Variants in WWP2 observed in about 807,000 individuals in gnomAD.
WWP2 encodes NEDD4-like E3 ubiquitin-protein ligase WWP2.
A neutral mutation model predicts 121.0 loss-of-function variants in WWP2; 57 were observed. The observed-to-expected ratio is 0.47, with a 90% CI of 0.38 to 0.59. The LOEUF (loss-of-function observed/expected upper bound fraction) is 0.59, where lower values mean the gene tolerates loss of function less well. Among genes scored for constraint, WWP2 ranks in the 20% least tolerant of loss-of-function variants. The pLI, the probability that WWP2 is intolerant of heterozygous loss-of-function variation, is 0.00. For synonymous variants in WWP2, 449 were observed against 441.3 expected (o/e 1.02, Z -0.22); for missense variants, 962 against 1,158.9 (o/e 0.83, Z 2.47).
chr16:69,825,128 A>C (rs1327138407), intron 4 of WWP2, among the ~76,000 whole-genome samples: 1 of 152,008 alleles, frequency 6.6e-6, no homozygotes, highest in African/African-American at 2.4e-5. Context: ...AAAGTTTTTC[A>C]AAGTGGGCGA....
At chr16:69,817,738 A>G (rs542620006) in intron 4 of WWP2, among the ~76,000 whole-genome samples, 1 of 143,684 alleles carries the variant, frequency 7.0e-6, no homozygotes, top group East Asian at 2.0e-4. Context: ...AGCTCATTGC[A>G]GCCTTGACCT....
chr16:69,913,032 T>C, intron 9 of WWP2, among the ~76,000 whole-genome samples: 1 of 74,176 alleles, frequency 1.3e-5, no homozygotes, highest in Non-Finnish European at 2.5e-5. Context: ...TTTTTTTTTT[T>C]TTTTTTTTGA....
intron 4 of WWP2, among the ~76,000 whole-genome samples, chr16:69,832,324 C>G (rs2056808264): frequency 7.7e-6 from 1 of 129,122 alleles, no homozygotes; most frequent in Non-Finnish European, 1.6e-5. Context: ...CCCATCCCAC[C>G]CCTGCTGGAT....
rs139960563 is a variant in WWP2 at position 69,860,449 on chromosome 16, T to G, written c.576-11355T>G. On this transcript the variant is annotated intron_variant, in intron 6 of 23. Coordinates refer to ENST00000359154, the MANE Select transcript of WWP2 (RefSeq NM_001270454.2). ...ATAGCAGTGCCATAAAGGGAACAAT[T>G]AGGATGTTATGAGAGAATGAAAGGA... Among the ~76,000 whole-genome samples, 4 of 152,116 alleles carry G rather than the reference T, an allele frequency of 2.6e-5. No homozygotes were observed. In the East Asian group the frequency reaches 7.7e-4, roughly 29 times the overall value.
At chr16:69,785,409 G>A (rs2055764772) in intron 1 of WWP2, among the ~76,000 whole-genome samples, 2 of 152,298 alleles carry the variant, frequency 1.3e-5, no homozygotes, top group African/African-American at 4.8e-5. Context: ...GATGAGATCA[G>A]TGGTGACATT....
rs367986754 is a variant in WWP2 at position 69,931,746 on chromosome 16, C to T, written c.1594-56C>T. ...CCTTAGAGTCCCCTGTCCCTCCCGC[C>T]CCTGCCTGCTGTGGAAGGGAGAGTG... On this transcript the variant is annotated intron_variant, in intron 15 of 23. Transcript: ENST00000359154. 3.1e-6 allele frequency: 5 copies of T among 1,595,642 alleles called. No individual in the cohort carries two copies. The African/African-American group carries it at 4.0e-5, about 13-fold the overall frequency.
intron 7 of WWP2, among the ~76,000 whole-genome samples, chr16:69,877,953 G>A (rs149053176): frequency 1.1e-3 from 165 of 152,146 alleles, no homozygotes; most frequent in South Asian, 5.0e-3. Context: ...GATTATAGGC[G>A]CGTGCCACCG....
chr16:69,844,764 G>C (rs1242566881), intron 6 of WWP2, among the ~76,000 whole-genome samples: 1 of 152,190 alleles, frequency 6.6e-6, no homozygotes, highest in Non-Finnish European at 1.5e-5. Flanking sequence ...AGCCTTATCG[G>C]AGTCCTCTGC....
intron 6 of WWP2, among the ~76,000 whole-genome samples, chr16:69,861,309 C>T (rs948748443): frequency 8.5e-5 from 13 of 152,216 alleles, no homozygotes; most frequent in African/African-American, 3.1e-4. Flanking sequence ...CTAAGCCCAA[C>T]ATACGGCCTG....
intron 4 of WWP2, among the ~76,000 whole-genome samples, chr16:69,815,508 G>T (rs1364559717): frequency 6.6e-6 from 1 of 151,658 alleles, no homozygotes; most frequent in Non-Finnish European, 1.5e-5. Flanking sequence ...AAGGAGAGGG[G>T]CAGGGGCTGG....
At chr16:69,922,398 A>T (rs962662623) in intron 10 of WWP2, among the ~76,000 whole-genome samples, 10 of 152,300 alleles carry the variant, frequency 6.6e-5, no homozygotes, top group Non-Finnish European at 1.2e-4. Context: ...TTCCCAAGGG[A>T]CTTGAACTCT....
chr16:69,769,854 A>G (rs1286545591), intron 1 of WWP2, among the ~76,000 whole-genome samples: 1 of 149,222 alleles, frequency 6.7e-6, no homozygotes, highest in Non-Finnish European at 1.5e-5. Flanking sequence ...AATCATTGAA[A>G]TCTCCCAAGT....
rs1597188320 is a variant in WWP2, at chr16:69,935,646, T to G, written c.1843-207T>G. ...AGTCCTTGCGGTCTGCAGGGCAGGG[T>G]GGGAGTCCCTCTGTAGGTACAAGTC... is the stretch of plus-strand genomic sequence containing the variant. On this transcript the variant is annotated intron_variant, in intron 17 of 23. Transcript: ENST00000359154. The surrounding 1 kb of genome is among the most constrained non-coding windows in gnomAD (Gnocchi z 5.2). 6.6e-6 allele frequency among the ~76,000 whole-genome samples: 1 copy of G among 152,186 alleles called. No homozygotes were observed. The highest frequency in any genetic ancestry group is 1.5e-5 in the Non-Finnish European group (1 of 68,042).
chr16:69,916,712 G>A (rs1303200312), intron 9 of WWP2, among the ~76,000 whole-genome samples: 2 of 152,136 alleles, frequency 1.3e-5, no homozygotes, highest in South Asian at 2.1e-4. Context: ...CCTGGGTGTG[G>A]GGAGAGAGCT....
intron 22 of WWP2, 31 bp downstream of exon 22, chr16:69,939,154 G>A (rs1407821304): frequency 6.3e-7 from 1 of 1,579,622 alleles, no homozygotes; most frequent in African/African-American, 1.3e-5. Flanking sequence ...TGGCGTCCTG[G>A]CTGGCAGTGC....
intron 6 of WWP2, among the ~76,000 whole-genome samples, chr16:69,853,141 A>C (rs1263838257): frequency 6.6e-6 from 1 of 152,234 alleles, no homozygotes; most frequent in Non-Finnish European, 1.5e-5. Context: ...CTAATGGATG[A>C]ATTCGGAGCT....
intron 8 of WWP2, among the ~76,000 whole-genome samples, chr16:69,895,730 A>C (rs1329280479): frequency 6.6e-6 from 1 of 152,242 alleles, no homozygotes; most frequent in East Asian, 1.9e-4. Flanking sequence ...ACTGCCCTTC[A>C]GCCTGGATGA....
intron 4 of WWP2, among the ~76,000 whole-genome samples, chr16:69,803,119 A>G (rs781424308): frequency 2.7e-4 from 40 of 148,082 alleles, no homozygotes; most frequent in Non-Finnish European, 4.3e-4. Flanking sequence ...TTCCTATTTG[A>G]TAACTATTAA....
chr16:69,840,848 C>A (rs1306514906), intron 5 of WWP2, among the ~76,000 whole-genome samples: 1 of 152,160 alleles, frequency 6.6e-6, no homozygotes, highest in Non-Finnish European at 1.5e-5. Context: ...TAATTTTTCT[C>A]ATTAAATGTT....
Sources: allele counts gnomAD v4.1 joint callset (sites outside exome capture counted in the v4.1 genomes callset), GRCh38; gene constraint gnomAD v4.1.1; non-coding constraint Gnocchi (gnomAD v3.1); transcripts MANE v1.5; gene names NCBI Gene and HGNC (gene_info 2026-07-23, HGNC 2026-07-21).